SCN9A: variants seen among roughly 807,000 people sequenced by gnomAD.
SCN9A encodes sodium channel protein type 9 subunit alpha.
Under a neutral mutation model 187.0 loss-of-function variants are expected in SCN9A, and 131 were observed. The ratio of observed to expected loss-of-function variants is 0.70; its 90% CI spans 0.61 to 0.81. The LOEUF (loss-of-function observed/expected upper bound fraction) is 0.81. Among genes scored for constraint, SCN9A ranks in the 30% least tolerant of loss-of-function variants. The pLI, the probability that SCN9A is intolerant of heterozygous loss-of-function variation, is 0.00. For missense variants in SCN9A, 2,252 were observed against 2,396.6 expected, an observed-to-expected ratio of 0.94 and a Z score of 1.26; for synonymous variants, 809 against 808.6, an observed-to-expected ratio of 1.00 and a Z score of -0.01.
chr2:166,295,611 A>G (rs1698264908), intron 7 of SCN9A, among the ~76,000 whole-genome samples: 1 of 152,180 alleles, frequency 6.6e-6, no homozygotes, highest in South Asian at 2.1e-4. Flanking sequence ...TGAGATCACC[A>G]TTATATATAT....
chr2:166,282,683 T>A (rs1017983363), intron 12 of SCN9A, among the ~76,000 whole-genome samples: 2 of 152,098 alleles, frequency 1.3e-5, no homozygotes, highest in African/African-American at 4.8e-5. Context: ...TATTTCTAGA[T>A]TTGTAAAGTT....
At position 166,368,764 on chromosome 2, in the gene SCN9A, G is replaced by A. The variant is rs147640034; in HGVS notation, c.-51+6933C>T. On this transcript the variant is annotated intron_variant, in intron 1 of 26. Coordinates refer to ENST00000642356, the MANE Select transcript of SCN9A (RefSeq NM_001365536.1). The stretch of plus-strand genomic sequence containing the variant: ...GCACTTTGGGGGGCCTAGGCGGGCA[G>A]ATCACCTGAACTCAGGAGTTCAAGA... Among the ~76,000 whole-genome samples, 3 of 151,508 alleles carry A rather than the reference G, an allele frequency of 2.0e-5. No homozygotes were observed. In the East Asian group the frequency reaches 5.8e-4, roughly 29 times the overall value.
intron 18 of SCN9A, among the ~76,000 whole-genome samples, chr2:166,245,132 C>T (rs1695729596): frequency 6.6e-6 from 1 of 151,864 alleles, no homozygotes; most frequent in Non-Finnish European, 1.5e-5. Context: ...AGTCTTCATG[C>T]TAAAACTATA....
chr2:166,251,329 A>G (rs1214919244), intron 18 of SCN9A, among the ~76,000 whole-genome samples: 1 of 152,104 alleles, frequency 6.6e-6, no homozygotes, highest in African/African-American at 2.4e-5. Context: ...AAGGTAGACT[A>G]TGGCCTCTGA....
chr2:166,262,199 T>C (rs372344581), intron 17 of SCN9A, among the ~76,000 whole-genome samples: 2 of 151,844 alleles, frequency 1.3e-5, no homozygotes, highest in East Asian at 1.9e-4. Context: ...GTCATATTTA[T>C]CAATAATTTG....
intron 1 of SCN9A, among the ~76,000 whole-genome samples, chr2:166,355,247 T>TTA (rs1289208758): frequency 5.3e-5 from 8 of 151,952 alleles, no homozygotes; most frequent in African/African-American, 7.2e-5. Flanking sequence ...CTGTCTTCTT[T>TTA]TATATATATA....
At chr2:166,366,893 C>G (rs1700429878) in intron 1 of SCN9A, among the ~76,000 whole-genome samples, 1 of 152,106 alleles carries the variant, frequency 6.6e-6, no homozygotes, top group Admixed American at 6.5e-5. Context: ...TTATTATAAA[C>G]ATAATGTAAA....
chr2:166,284,429 C>G, intron 12 of SCN9A, 24 bp downstream of exon 12: 6 of 1,580,908 alleles, frequency 3.8e-6, no homozygotes, highest in Non-Finnish European at 5.2e-6. Flanking sequence ...CCAGCCATGC[C>G]TGAGCTATGT....
At chr2:166,215,779 CA>C (rs33938188) in intron 24 of SCN9A, among the ~76,000 whole-genome samples, 26 of 134,754 alleles carry the variant, frequency 1.9e-4, no homozygotes, top group East Asian at 6.4e-4. Flanking sequence ...GTCTCCTAAC[CA>C]AAAAAAAAAA....
Position 166,199,319 on chromosome 2 carries a change from G to A in SCN9A, c.5320C>T (p.Leu1774=). The A allele has an allele frequency of 6.2e-7, 1 of 1,614,132 alleles. No homozygotes were observed. The highest frequency in any genetic ancestry group is 1.6e-4 in the Middle Eastern group (1 of 6,062). ...AACATCTCAAAGTCATCCTCACTCA[G>A]AGGTTCAGTACTTTCTTCAGTGGCA... ...SVATEESTEP[L]SEDDFEMFYE... Residue 1774 remains leucine (L), a synonymous_variant, in exon 27 of 27, where the codon CTG becomes TTG. Coordinates refer to ENST00000642356, the MANE Select transcript of SCN9A (RefSeq NM_001365536.1).
chr2:166,290,663 TCACTGA>T, intron 9 of SCN9A, among the ~76,000 whole-genome samples: 1 of 152,196 alleles, frequency 6.6e-6, no homozygotes, highest in African/African-American at 2.4e-5. Context: ...TTCTTAATGA[TCACTGA>T]TGTTGAGCTT....
chr2:166,222,378 C>A (rs1694624278), intron 24 of SCN9A, among the ~76,000 whole-genome samples: 1 of 152,154 alleles, frequency 6.6e-6, no homozygotes, highest in African/African-American at 2.4e-5. Context: ...GCCTGTTATC[C>A]CAGCACTTTG....
chr2:166,206,515 G>A (rs760183232), intron 24 of SCN9A, among the ~76,000 whole-genome samples: 7 of 152,088 alleles, frequency 4.6e-5, no homozygotes, highest in Non-Finnish European at 1.0e-4. Context: ...GGGCAGTTAG[G>A]GGGTTGGGAG....
chr2:166,292,566 C>A (rs1698123301), intron 9 of SCN9A, among the ~76,000 whole-genome samples: 1 of 151,880 alleles, frequency 6.6e-6, no homozygotes, highest in South Asian at 2.1e-4. Context: ...AAAAGTGAAT[C>A]ATTGTTATGT....
chr2:166,289,147 T>C (rs976774804), intron 9 of SCN9A, among the ~76,000 whole-genome samples: 2 of 148,364 alleles, frequency 1.3e-5, no homozygotes, highest in Non-Finnish European at 3.0e-5. Context: ...AAAATAGAAT[T>C]TTTTTTCAAA....
chr2:166,303,300 G>A lies in SCN9A; in HGVS notation c.691C>T (p.Leu231=). 1 of 1,610,706 alleles carries A rather than the reference G, an allele frequency of 6.2e-7. No homozygotes were observed. The highest frequency in any genetic ancestry group is 8.5e-7 in the Non-Finnish European group (1 of 1,178,980). The part of the protein sequence containing the change: ...ALKTISVIPG[L]KTIVGALIQS... ...ATCAAAGCCCCTACAATTGTCTTCA[G>A]GCCTGAAAATGGGAGAAAAAAGTGT... is the stretch of plus-strand genomic sequence containing the variant. The change falls in exon 7 of 27, where the codon CTG becomes TTG. Residue 231 remains leucine, a splice_region_variant and synonymous_variant. Transcript: ENST00000642356.
intron 18 of SCN9A, among the ~76,000 whole-genome samples, chr2:166,244,706 A>G (rs1009518873): frequency 6.6e-6 from 1 of 151,928 alleles, no homozygotes; most frequent in Admixed American, 6.6e-5. Context: ...ATGCTGGTCT[A>G]TTCTATCTGG....
At chr2:166,349,013 G>A (rs968228123) in intron 1 of SCN9A, among the ~76,000 whole-genome samples, 1 of 148,548 alleles carries the variant, frequency 6.7e-6, no homozygotes, top group East Asian at 2.0e-4. Flanking sequence ...TTATAATCCC[G>A]GCTCCTCGGA....
intron 13 of SCN9A, 104 bp downstream of exon 13, chr2:166,281,575 G>T: frequency 1.9e-6 from 2 of 1,031,340 alleles, no homozygotes; most frequent in Admixed American, 2.3e-5. Context: ...CCATTTTATG[G>T]TCTCTGAATT....
Sources: allele counts gnomAD v4.1 joint callset (sites outside exome capture counted in the v4.1 genomes callset), GRCh38; gene constraint gnomAD v4.1.1; transcripts MANE v1.5; gene names NCBI Gene and HGNC (gene_info 2026-07-23, HGNC 2026-07-21).